The following TENM3 variants were observed in gnomAD, a reference collection of about 807,000 sequenced individuals.
TENM3 encodes teneurin transmembrane protein 3, also known as teneurin-3.
TENM3 carries 63 observed loss-of-function variants against 255.1 expected under a neutral mutation model. The observed-to-expected ratio is 0.25, with a 90% CI of 0.20 to 0.30. The LOEUF (loss-of-function observed/expected upper bound fraction) is 0.30, where lower values mean the gene tolerates loss of function less well. Among genes scored for constraint, TENM3 ranks in the 10% least tolerant of loss-of-function variants. TENM3 has a pLI of 1.00. For synonymous variants in TENM3, 1,306 were observed against 1,322.3 expected (o/e 0.99, Z 0.27); for missense variants, 2,929 against 3,461.1 (o/e 0.85, Z 3.86).
chr4:181,857,935 G>T, the TENM3 span, among the ~76,000 whole-genome samples: 2 of 152,172 alleles, frequency 1.3e-5, no homozygotes, highest in African/African-American at 4.8e-5. Flanking sequence ...GTCCTGCTAG[G>T]CAGTTGTAAC....
chr4:182,431,595 G>A (rs565712003), intron 3 of TENM3, among the ~76,000 whole-genome samples: 1 of 152,328 alleles, frequency 6.6e-6, no homozygotes, highest in South Asian at 2.1e-4. Flanking sequence ...GGACTTGGAG[G>A]AAAGACAATT....
chr4:181,666,248 T>C, the TENM3 span, among the ~76,000 whole-genome samples: 1 of 152,202 alleles, frequency 6.6e-6, no homozygotes, highest in African/African-American at 2.4e-5. Context: ...ATACTGTCCA[T>C]GTCTTTATTT....
the TENM3 span, among the ~76,000 whole-genome samples, chr4:181,462,193 A>G: frequency 1.1e-3 from 175 of 152,304 alleles, 2 homozygotes; most frequent in African/African-American, 4.2e-3. Context: ...GATGGTGAGA[A>G]CAGAAGCTCT....
the TENM3 span, among the ~76,000 whole-genome samples, chr4:181,952,359 G>A: frequency 2.6e-5 from 4 of 152,218 alleles, no homozygotes; most frequent in East Asian, 7.7e-4. Context: ...TTCTTTCTCT[G>A]CTAAGTGAAT....
At chr4:182,578,848 T>C (rs1312996545) in intron 3 of TENM3, among the ~76,000 whole-genome samples, 1 of 152,216 alleles carries the variant, frequency 6.6e-6, no homozygotes, top group Non-Finnish European at 1.5e-5. Flanking sequence ...CCAGTGTTGT[T>C]TGGAAATCTC....
chr4:181,480,172 T>A, the TENM3 span, among the ~76,000 whole-genome samples: 1 of 152,126 alleles, frequency 6.6e-6, no homozygotes, highest in Non-Finnish European at 1.5e-5. Context: ...CTACCACATT[T>A]ATTTAAAATG....
intron 1 of TENM3, among the ~76,000 whole-genome samples, chr4:182,176,894 C>T (rs777328300): frequency 5.0e-5 from 7 of 140,000 alleles, no homozygotes; most frequent in Admixed American, 4.0e-4. Flanking sequence ...AGGCTGGTCT[C>T]GAATTCCTGA....
chr4:181,475,295 T>C, the TENM3 span, among the ~76,000 whole-genome samples: 1 of 152,228 alleles, frequency 6.6e-6, no homozygotes, highest in African/African-American at 2.4e-5. Flanking sequence ...ATCCACTGTC[T>C]CCGTATTCAT....
the TENM3 span, among the ~76,000 whole-genome samples, chr4:181,678,239 G>T: frequency 6.6e-6 from 1 of 152,030 alleles, no homozygotes; most frequent in Non-Finnish European, 1.5e-5. Context: ...TAACTTTTTT[G>T]AAGAAAACAG....
the TENM3 span, among the ~76,000 whole-genome samples, chr4:181,891,164 C>T: frequency 4.2e-3 from 645 of 152,252 alleles, 8 homozygotes; most frequent in African/African-American, 0.015. Flanking sequence ...TTCAATACAA[C>T]GTTGCAGCTG....
chr4:182,524,855 A>G (rs915259660), intron 3 of TENM3, among the ~76,000 whole-genome samples: 1 of 142,798 alleles, frequency 7.0e-6, no homozygotes, highest in African/African-American at 2.6e-5. Context: ...AAAAAAAAAA[A>G]GAAAAGAAAA....
At chr4:182,149,394 AT>A (rs565592999) in intron 1 of TENM3, among the ~76,000 whole-genome samples, 281 of 152,144 alleles carry the variant, frequency 1.8e-3, no homozygotes, top group Non-Finnish European at 3.0e-3. Context: ...TTTTGGTTAA[AT>A]AACCCAGGTG....
intron 1 of TENM3, among the ~76,000 whole-genome samples, chr4:182,293,041 G>A (rs932612313): frequency 1.3e-5 from 2 of 152,206 alleles, no homozygotes; most frequent in South Asian, 2.1e-4. Context: ...GATTGCTTCC[G>A]TGTGTTGCAC....
the TENM3 span, among the ~76,000 whole-genome samples, chr4:181,584,078 G>A: frequency 6.6e-6 from 1 of 152,120 alleles, no homozygotes; most frequent in Admixed American, 6.5e-5. Flanking sequence ...CCAGCACCAA[G>A]CATATTACAT....
the TENM3 span, among the ~76,000 whole-genome samples, chr4:182,072,979 A>G: frequency 6.6e-6 from 1 of 152,206 alleles, no homozygotes; most frequent in African/African-American, 2.4e-5. Flanking sequence ...CTTGTAGGTA[A>G]AAGAAGAGAC....
the TENM3 span, among the ~76,000 whole-genome samples, chr4:181,780,607 G>A: frequency 1.3e-5 from 2 of 152,114 alleles, no homozygotes; most frequent in African/African-American, 4.8e-5. Flanking sequence ...TCTGATGGTA[G>A]TTTCTTTTGC....
chr4:181,987,491 C>G, the TENM3 span, among the ~76,000 whole-genome samples: 1 of 152,112 alleles, frequency 6.6e-6, no homozygotes, highest in Non-Finnish European at 1.5e-5. Context: ...TCCTTTTACA[C>G]AGCCTTGACC....
At chr4:182,059,971 T>C in the TENM3 span, among the ~76,000 whole-genome samples, 1 of 151,582 alleles carries the variant, frequency 6.6e-6, no homozygotes, top group South Asian at 2.1e-4. Context: ...ATTGGCCTTA[T>C]TAGGCTGAGA....
chr4:182,014,534 A>C, the TENM3 span, among the ~76,000 whole-genome samples: 6 of 152,200 alleles, frequency 3.9e-5, no homozygotes, highest in Non-Finnish European at 7.3e-5. Flanking sequence ...TGAGGAAAAG[A>C]AGATCCTAGG....
Sources: allele counts gnomAD v4.1 joint callset (sites outside exome capture counted in the v4.1 genomes callset), GRCh38; gene constraint gnomAD v4.1.1; transcripts MANE v1.5; gene names NCBI Gene and HGNC (gene_info 2026-07-23, HGNC 2026-07-21).